Variants in SLC14A2 observed in about 807,000 individuals in gnomAD.
SLC14A2 encodes the protein solute carrier family 14 member 2, also known as urea transporter 2.
A neutral mutation model predicts 104.6 loss-of-function variants in SLC14A2; 91 were observed. That is an observed-to-expected ratio of 0.87 (90% confidence interval 0.73 to 1.04). The LOEUF (loss-of-function observed/expected upper bound fraction) is 1.04. Ranked by LOEUF, SLC14A2 falls within the 50% of genes least tolerant of loss-of-function variation. The pLI is 0.00. For synonymous variants in SLC14A2, 476 were observed against 466.4 expected (o/e 1.02, Z -0.27); for missense variants, 1,189 against 1,156.0 (o/e 1.03, Z -0.41).
chr18:45,675,958 A>C (rs1054997375), intron 18 of SLC14A2, among the ~76,000 whole-genome samples: 1 of 151,940 alleles, frequency 6.6e-6, no homozygotes, highest in Non-Finnish European at 1.5e-5. Flanking sequence ...CAGACAGAAC[A>C]GCCCCACTGG....
intron 1 of SLC14A2, among the ~76,000 whole-genome samples, chr18:45,226,000 G>A (rs998070327): frequency 2.0e-5 from 3 of 152,158 alleles, no homozygotes; most frequent in African/African-American, 7.2e-5. Flanking sequence ...CCATCAAAAA[G>A]TGGGCAAAGG....
chr18:45,557,286 C>T (rs2044145825), intron 2 of SLC14A2, among the ~76,000 whole-genome samples: 1 of 152,184 alleles, frequency 6.6e-6, no homozygotes, highest in Non-Finnish European at 1.5e-5. Flanking sequence ...CATTCTCTAA[C>T]TGTTTCTGCA....
At chr18:45,211,275 T>C (rs1240839599), upstream of SLC14A2, among the ~76,000 whole-genome samples, 1 of 152,178 alleles carries the variant, frequency 6.6e-6, no homozygotes, top group Non-Finnish European at 1.5e-5. Context: ...CTGTTTACCT[T>C]TCTCCCCCTT....
In SLC14A2 at chr18:45,669,185, C is replaced by T; in HGVS notation, c.2037-121C>T. 8.8e-6 allele frequency: 7 copies of T among 791,706 alleles called. No homozygotes were observed. In the South Asian group the frequency reaches 1.3e-4, roughly 14 times the overall value. The allele number at this position is 791,706 out of a possible 1,614,324, so 49.0% of individuals were successfully genotyped here. On this transcript the variant is annotated intron_variant, in intron 15 of 19. Transcript: ENST00000255226. ...AGACCTGCTCAGGGCCAGTCAGGCT[C>T]CAGAGAATACCCAGCAGGCTGCTTT...
intron 15 of SLC14A2, among the ~76,000 whole-genome samples, chr18:45,668,971 C>A (rs546405350): frequency 7.5e-6 from 1 of 132,834 alleles, no homozygotes; most frequent in Non-Finnish European, 1.6e-5. Flanking sequence ...CCCATGCACA[C>A]AGCCACTCAA....
chr18:45,491,388 C>T (rs906221253), intron 2 of SLC14A2, among the ~76,000 whole-genome samples: 10 of 152,060 alleles, frequency 6.6e-5, no homozygotes, highest in African/African-American at 2.4e-4. Flanking sequence ...TTATCAATCA[C>T]GTATGGATTC....
At chr18:45,422,819 C>T (rs927141551) in intron 1 of SLC14A2, among the ~76,000 whole-genome samples, 9 of 152,256 alleles carry the variant, frequency 5.9e-5, no homozygotes, top group Middle Eastern at 3.4e-3. Flanking sequence ...CCTTCTTGTC[C>T]TCTGTCTTCC....
At chr18:45,606,072 G>A (rs568314437) in intron 2 of SLC14A2, among the ~76,000 whole-genome samples, 107 of 152,260 alleles carry the variant, frequency 7.0e-4, no homozygotes, top group African/African-American at 2.1e-3. Flanking sequence ...CTGGAGGCGG[G>A]GAGGTGATGA....
chr18:45,494,917 C>CACACAA (rs1007621148), intron 2 of SLC14A2, among the ~76,000 whole-genome samples: 3 of 149,934 alleles, frequency 2.0e-5, no homozygotes, highest in African/African-American at 7.5e-5. Flanking sequence ...CACACACATA[C>CACACAA]ACACACACAC....
At chr18:45,523,916 A>G (rs1004143257) in intron 2 of SLC14A2, among the ~76,000 whole-genome samples, 1 of 152,226 alleles carries the variant, frequency 6.6e-6, no homozygotes, top group Non-Finnish European at 1.5e-5. Flanking sequence ...AGATTTTGTC[A>G]TCATTTTCAG....
chr18:45,345,731 TGATA>T (rs998017168), intron 1 of SLC14A2, among the ~76,000 whole-genome samples: 3 of 152,232 alleles, frequency 2.0e-5, no homozygotes, highest in African/African-American at 7.2e-5. Context: ...CAAGCTCCTT[TGATA>T]GATCTGAGAG....
At chr18:45,413,644 T>C (rs775562932) in intron 1 of SLC14A2, among the ~76,000 whole-genome samples, 3 of 152,196 alleles carry the variant, frequency 2.0e-5, no homozygotes, top group Non-Finnish European at 4.4e-5. Flanking sequence ...TTACGAAACA[T>C]GGCTTCTTGA....
At chr18:45,537,034 C>CCTCA in intron 2 of SLC14A2, among the ~76,000 whole-genome samples, 1 of 86,724 alleles carries the variant, frequency 1.2e-5, no homozygotes, top group Middle Eastern at 4.2e-3. Context: ...TCCCTCCCTC[C>CCTCA]CTCCCTCCCT....
chr18:45,635,077 A>C (rs2045398184), intron 5 of SLC14A2: 1 of 346,598 alleles, frequency 2.9e-6, no homozygotes. Context: ...TAATTTGCCT[A>C]AGTACCTAGG....
chr18:45,429,945 G>A (rs1294522957), intron 1 of SLC14A2, among the ~76,000 whole-genome samples: 2 of 152,144 alleles, frequency 1.3e-5, no homozygotes, highest in Non-Finnish European at 2.9e-5. Flanking sequence ...GCCCAGTGAT[G>A]TTTAAGGCTT....
chr18:45,313,454 A>G (rs2085098895), intron 1 of SLC14A2, among the ~76,000 whole-genome samples: 1 of 152,198 alleles, frequency 6.6e-6, no homozygotes, highest in Admixed American at 6.5e-5. Context: ...TTCCCCTCCC[A>G]GTACTTTCTG....
intron 1 of SLC14A2, among the ~76,000 whole-genome samples, chr18:45,419,923 T>C (rs553192212): frequency 1.3e-5 from 2 of 152,212 alleles, no homozygotes; most frequent in Non-Finnish European, 2.9e-5. Context: ...AAATAGCTGC[T>C]CTGTTTGGGA....
chr18:45,329,048 A>G (rs2085264148), intron 1 of SLC14A2, among the ~76,000 whole-genome samples: 1 of 152,164 alleles, frequency 6.6e-6, no homozygotes, highest in African/African-American at 2.4e-5. Flanking sequence ...GAAATTTTCT[A>G]CACTCTAATG....
intron 2 of SLC14A2, among the ~76,000 whole-genome samples, chr18:45,498,657 C>T (rs2043140969): frequency 6.6e-6 from 1 of 152,162 alleles, no homozygotes; most frequent in Non-Finnish European, 1.5e-5. Context: ...GATTCATCTC[C>T]TCCTGTCTCC....
Sources: allele counts gnomAD v4.1 joint callset (sites outside exome capture counted in the v4.1 genomes callset), GRCh38; gene constraint gnomAD v4.1.1; transcripts MANE v1.5; gene names NCBI Gene and HGNC (gene_info 2026-07-23, HGNC 2026-07-21).